The following SEMA3E variants were observed in gnomAD, a reference collection of about 807,000 sequenced individuals.
The protein encoded by SEMA3E is semaphorin 3E.
Under a neutral mutation model 93.6 loss-of-function variants are expected in SEMA3E, and 49 were observed. The observed-to-expected ratio is 0.52, with a 90% CI of 0.42 to 0.66. The LOEUF is 0.66. Ranked by LOEUF, SEMA3E falls within the 30% of genes least tolerant of loss-of-function variation. The probability of loss-of-function intolerance (pLI) is 0.00; values close to 1 mark genes in which losing one functional copy is unlikely to be tolerated. For synonymous variants in SEMA3E, 363 were observed against 330.7 expected, an observed-to-expected ratio of 1.10 and a Z score of -1.06; for missense variants, 906 against 964.8, an observed-to-expected ratio of 0.94 and a Z score of 0.81.
intron 1 of SEMA3E, among the ~76,000 whole-genome samples, chr7:83,618,963 C>T (rs1169583373): frequency 6.6e-6 from 1 of 151,710 alleles, no homozygotes; most frequent in African/African-American, 2.4e-5. Context: ...GAAAAACATA[C>T]CCATCATACA....
In SEMA3E at chr7:83,515,293, GAA is replaced by G. The variant is rs5885363; in HGVS notation, c.116-25021_116-25020del. Among the ~76,000 whole-genome samples, 416 of 135,200 alleles carry G rather than the reference GAA, an allele frequency of 3.1e-3. 2 individuals are homozygous for G. The highest frequency in any genetic ancestry group is 0.012 in the Middle Eastern group (3 of 254). 88.7% of individuals were successfully genotyped at this position (135,200 alleles called of 152,430 possible). A position where few individuals can be genotyped will look rare whatever the true frequency, so the allele number is the denominator to read the frequency against. ...AAACTCAATAAATGACTTTTCTTAT[GAA>G]AAAAAAAAAAAAAAGAAATGTCCTA... On this transcript the variant is annotated intron_variant, in intron 1 of 16. Transcript: ENST00000643230.
chr7:83,546,324 GTGTGTGT>G (rs1562827387), intron 1 of SEMA3E, among the ~76,000 whole-genome samples: 1 of 10,154 alleles, frequency 9.8e-5, no homozygotes, highest in Non-Finnish European at 1.8e-4. Flanking sequence ...AATAAGGGGT[GTGTGTGT>G]GTGTGTGTGT....
chr7:83,426,696 A>C (rs1368578953), intron 4 of SEMA3E, among the ~76,000 whole-genome samples: 1 of 152,198 alleles, frequency 6.6e-6, no homozygotes, highest in Non-Finnish European at 1.5e-5. Flanking sequence ...AAAAACATAC[A>C]AAAACGTTGT....
At chr7:83,539,534 C>G (rs773560969) in intron 1 of SEMA3E, among the ~76,000 whole-genome samples, 1 of 152,160 alleles carries the variant, frequency 6.6e-6, no homozygotes, top group Non-Finnish European at 1.5e-5. Context: ...TGAATTGGCT[C>G]TAAGCCTCCT....
At chr7:83,644,959 C>T (rs536984634) in intron 1 of SEMA3E, among the ~76,000 whole-genome samples, 2 of 152,112 alleles carry the variant, frequency 1.3e-5, no homozygotes, top group Admixed American at 1.3e-4. Context: ...TGCATTCTTG[C>T]TTATTGAGAC....
intron 1 of SEMA3E, among the ~76,000 whole-genome samples, chr7:83,514,301 C>T (rs1790884688): frequency 6.6e-6 from 1 of 152,110 alleles, no homozygotes; most frequent in Admixed American, 6.5e-5. Flanking sequence ...CATTCCTTTA[C>T]ATTCTTAATA....
intron 1 of SEMA3E, among the ~76,000 whole-genome samples, chr7:83,642,113 T>C (rs965318722): frequency 6.6e-6 from 1 of 152,302 alleles, no homozygotes; most frequent in East Asian, 1.9e-4. Flanking sequence ...ATGTTTCCTA[T>C]GCCAAAGCTA....
intron 5 of SEMA3E, among the ~76,000 whole-genome samples, chr7:83,411,324 T>A (rs940365275): frequency 6.6e-6 from 1 of 152,056 alleles, no homozygotes; most frequent in African/African-American, 2.4e-5. Flanking sequence ...CATAACACAA[T>A]ATGAACTGTA....
intron 12 of SEMA3E, 73 bp downstream of exon 12, chr7:83,396,565 A>T: frequency 1.1e-6 from 1 of 888,138 alleles, no homozygotes; most frequent in Non-Finnish European, 1.9e-6. Flanking sequence ...AAATGGACAT[A>T]GTATCTTTCC....
chr7:83,600,215 T>C (rs539747384), intron 1 of SEMA3E, among the ~76,000 whole-genome samples: 3 of 152,280 alleles, frequency 2.0e-5, no homozygotes, highest in Admixed American at 1.3e-4. Flanking sequence ...TTTGCTCTCA[T>C]CTTTGTCAAA....
intron 4 of SEMA3E, among the ~76,000 whole-genome samples, chr7:83,450,877 G>T (rs1223520016): frequency 2.6e-5 from 4 of 152,140 alleles, no homozygotes; most frequent in African/African-American, 7.2e-5. Context: ...AGAGTTGGCA[G>T]AATCTATATA....
At chr7:83,411,384 G>A (rs1037719287) in intron 5 of SEMA3E, among the ~76,000 whole-genome samples, 1 of 152,048 alleles carries the variant, frequency 6.6e-6, no homozygotes, top group Non-Finnish European at 1.5e-5. Context: ...TGTAAGCAAC[G>A]TAAATAGAAA....
chr7:83,556,005 A>G (rs907272275), intron 1 of SEMA3E, among the ~76,000 whole-genome samples: 9 of 152,256 alleles, frequency 5.9e-5, no homozygotes, highest in Admixed American at 5.2e-4. Context: ...CCCTTAATCC[A>G]AATTCTAATA....
At chr7:83,570,742 A>C (rs1792268775) in intron 1 of SEMA3E, among the ~76,000 whole-genome samples, 1 of 151,594 alleles carries the variant, frequency 6.6e-6, no homozygotes, top group Admixed American at 6.6e-5. Context: ...TGAAACCAAT[A>C]ATTAGTTCTT....
At chr7:83,546,550 A>G (rs1407388895) in intron 1 of SEMA3E, among the ~76,000 whole-genome samples, 1 of 151,984 alleles carries the variant, frequency 6.6e-6, no homozygotes, top group African/African-American at 2.4e-5. Context: ...CTCAAGACAA[A>G]TCTTACATTC....
rs903567332 is a variant in SEMA3E, at chr7:83,398,503, C to G, written c.1366+1525G>C. 6.6e-5 allele frequency among the ~76,000 whole-genome samples: 10 copies of G among 152,166 alleles called. 1 individual carries two copies. The stretch of plus-strand genomic sequence containing the variant: ...GTAATTTCAAGTTTGCTAAAGAAAT[C>G]TGATGACACCGTTAATCATGAACCC... On this transcript the variant is annotated intron_variant, in intron 11 of 16. Transcript: ENST00000643230.
intron 16 of SEMA3E, among the ~76,000 whole-genome samples, chr7:83,383,562 C>A (rs1380584422): frequency 1.3e-5 from 2 of 151,876 alleles, no homozygotes; most frequent in African/African-American, 4.8e-5. Context: ...TATGACATAA[C>A]TTTTGATGCA....
chr7:83,503,810 C>T (rs1790644527), intron 1 of SEMA3E, among the ~76,000 whole-genome samples: 2 of 152,170 alleles, frequency 1.3e-5, no homozygotes, highest in South Asian at 4.1e-4. Flanking sequence ...TATAAGTTGT[C>T]TGCCACTGAC....
chr7:83,613,780 C>T (rs1793312169), intron 1 of SEMA3E, among the ~76,000 whole-genome samples: 1 of 152,052 alleles, frequency 6.6e-6, no homozygotes, highest in African/African-American at 2.4e-5. Flanking sequence ...TCATGTATCT[C>T]TCTTATTTTC....
Sources: gnomAD v4.1 joint callset for allele counts (sites outside exome capture counted in the v4.1 genomes callset) on GRCh38, gnomAD v4.1.1 for gene constraint, MANE v1.5 for transcripts, NCBI Gene and HGNC (gene_info 2026-07-23, HGNC 2026-07-21) for gene names.